The following COL6A5 variants were observed in gnomAD, a reference collection of about 807,000 sequenced individuals.
COL6A5 encodes the protein collagen alpha-5(VI) chain.
COL6A5 carries 48 observed loss-of-function variants against 65.6 expected under a neutral mutation model. That is an observed-to-expected ratio of 0.73 (90% CI 0.58 to 0.93). The LOEUF (loss-of-function observed/expected upper bound fraction) is 0.93. Among genes scored for constraint, COL6A5 ranks in the 40% least tolerant of loss-of-function variants. COL6A5 has a pLI of 0.00. For synonymous variants in COL6A5, 291 were observed against 322.8 expected (o/e 0.90, Z 1.05); for missense variants, 914 against 928.3 (o/e 0.98, Z 0.20).
chr3:130,350,811 A>G (rs895484277), intron 1 of COL6A5, among the ~76,000 whole-genome samples: 1 of 152,162 alleles, frequency 6.6e-6, no homozygotes, highest in African/African-American at 2.4e-5. Flanking sequence ...AAAAAAAACT[A>G]CTTTAAAGTT....
At chr3:130,429,972 T>C (rs1320409397), upstream of COL6A5, among the ~76,000 whole-genome samples, 1 of 152,212 alleles carries the variant, frequency 6.6e-6, no homozygotes, top group East Asian at 1.9e-4. Context: ...CACTCAAACC[T>C]GTCATCTCAC....
intron 1 of COL6A5, among the ~76,000 whole-genome samples, chr3:130,436,153 C>T (rs1709029532): frequency 6.6e-6 from 1 of 152,000 alleles, no homozygotes; most frequent in South Asian, 2.1e-4. Flanking sequence ...TTAAAAATTA[C>T]CCATGATCTT....
At chr3:130,475,221 T>A (rs819088) in intron 7 of COL6A5, among the ~76,000 whole-genome samples, 151,017 of 151,832 alleles carry the variant, frequency 0.99, 75,103 homozygotes, top group East Asian at 1. Context: ...GCAGAAAAAA[T>A]ATTTTAGGAA....
At chr3:130,404,718 G>T (rs1415591012) in intron 13 of COL6A5, among the ~76,000 whole-genome samples, 1 of 152,172 alleles carries the variant, frequency 6.6e-6, no homozygotes, top group Admixed American at 6.5e-5. Flanking sequence ...CATGGGCAAG[G>T]CCTCCTCCTT....
At chr3:130,461,595 T>G (rs1038799952) in intron 5 of COL6A5, among the ~76,000 whole-genome samples, 1 of 151,992 alleles carries the variant, frequency 6.6e-6, no homozygotes, top group Non-Finnish European at 1.5e-5. Context: ...CTTTTAACAA[T>G]GTATGCCATG....
rs1397895033 is a variant in COL6A5, at chr3:130,440,765, C to T, written c.1183C>T (p.His395Tyr). The change falls in exon 3 of 8, where the codon CAT becomes TAT. Residue 395 changes from histidine (H) to tyrosine (Y), a missense_variant. Physicochemically the swap from His to Tyr is moderately conservative, Grantham distance 83. Transcript: ENST00000512836. Reference sequence around the variant, plus strand: ...ACACCTGATACAGCTTGGGAGAATACATAAACCAGATCTGAATTATATTGC... The same window carrying T: ...ACACCTGATACAGCTTGGGAGAATATATAAACCAGATCTGAATTATATTGC... The T allele has an allele frequency of 1.5e-5, 25 of 1,613,150 alleles. 1 individual carries two copies. The highest frequency in any genetic ancestry group is 2.0e-5 in the Non-Finnish European group (24 of 1,179,560).
At chr3:130,438,383 T>C (rs759417305) in intron 1 of COL6A5, among the ~76,000 whole-genome samples, 6 of 151,992 alleles carry the variant, frequency 3.9e-5, no homozygotes, top group Non-Finnish European at 7.4e-5. Context: ...AATAAATATT[T>C]GTTGAATGAA....
At chr3:130,474,541 A>G (rs1003260868) in intron 7 of COL6A5, among the ~76,000 whole-genome samples, 3 of 152,128 alleles carry the variant, frequency 2.0e-5, no homozygotes, top group African/African-American at 7.2e-5. Context: ...AGTATGCTCT[A>G]TAGGTAAAGG....
chr3:130,421,210 A>G lies in COL6A5; in HGVS notation c.5001+7A>G, dbSNP rs1269494026. On this transcript the variant is annotated splice_region_variant and intron_variant and NMD_transcript_variant, in intron 26 of 41. Transcript: ENST00000312481. Reference sequence around the variant, plus strand: ...GGGACGAAAAGGAGTAAAGGTAAATATGGAAATCAATTATTTTTATTCATT... The same window carrying G: ...GGGACGAAAAGGAGTAAAGGTAAATGTGGAAATCAATTATTTTTATTCATT... 3 of 1,550,456 alleles carry G rather than the reference A, an allele frequency of 1.9e-6. No homozygotes were observed. The highest frequency in any genetic ancestry group is 2.6e-6 in the Non-Finnish European group (3 of 1,146,006).
At chr3:130,396,851 C>CT (rs1936618298) in intron 8 of COL6A5, among the ~76,000 whole-genome samples, 1 of 152,128 alleles carries the variant, frequency 6.6e-6, no homozygotes, top group Admixed American at 6.5e-5. Context: ...CAGCACAAAA[C>CT]TTTATTTATT....
intron 10 of COL6A5, among the ~76,000 whole-genome samples, chr3:130,398,325 T>G (rs1408462911): frequency 2.0e-5 from 3 of 151,948 alleles, no homozygotes; most frequent in African/African-American, 4.8e-5. Flanking sequence ...AGAGATGGGG[T>G]TTCACTGTGT....
intron 1 of COL6A5, among the ~76,000 whole-genome samples, chr3:130,362,413 C>A (rs114244029): frequency 0.044 from 6,542 of 148,282 alleles, 196 homozygotes; most frequent in Middle Eastern, 0.12. Context: ...CATTGTATAG[C>A]ATTTGCTGCT....
At chr3:130,373,562 A>G in intron 1 of COL6A5, 49 bp from the exon 2 acceptor site, 1 of 842,876 alleles carries the variant, frequency 1.2e-6, no homozygotes, top group Non-Finnish European at 1.9e-6. Flanking sequence ...ACAGTTACTT[A>G]ATGGTATAAA....
intron 1 of COL6A5, among the ~76,000 whole-genome samples, chr3:130,432,879 G>T (rs1382111947): frequency 5.3e-5 from 8 of 152,102 alleles, no homozygotes; most frequent in Admixed American, 1.3e-4. Flanking sequence ...CAAGGGATCA[G>T]TGCTCCCCTT....
chr3:130,463,068 T>G (rs1709736442), intron 5 of COL6A5, among the ~76,000 whole-genome samples: 1 of 152,024 alleles, frequency 6.6e-6, no homozygotes, highest in African/African-American at 2.4e-5. Flanking sequence ...CAAGGAAGAT[T>G]AAATGAAAGA....
intron 5 of COL6A5, among the ~76,000 whole-genome samples, chr3:130,388,135 G>A (rs1577455888): frequency 6.6e-6 from 1 of 152,024 alleles, no homozygotes; most frequent in Non-Finnish European, 1.5e-5. Context: ...AGAAAATAAT[G>A]CTATTTAAAA....
At chr3:130,429,391 T>G (rs978453050), upstream of COL6A5, among the ~76,000 whole-genome samples, 2 of 152,356 alleles carry the variant, frequency 1.3e-5, no homozygotes, top group Admixed American at 6.5e-5. Context: ...GCTAACAAAT[T>G]AATAAAATTC....
intron 1 of COL6A5, among the ~76,000 whole-genome samples, chr3:130,436,957 A>C (rs1304860947): frequency 1.3e-5 from 2 of 152,196 alleles, no homozygotes; most frequent in Non-Finnish European, 1.5e-5. Context: ...TACACAGAGC[A>C]GCCTATTCAA....
chr3:130,393,075 T>TG lies in COL6A5; in HGVS notation c.2992+1321_2992+1322insG, dbSNP rs1284704861. Among the ~76,000 whole-genome samples the TG allele has an allele frequency of 2.1e-3, 186 of 86,868 alleles. 1 individual carries two copies. Among genetic ancestry groups the TG allele is most frequent in the African/African-American group, 8.7e-3 (149 of 17,056 alleles). The allele number at this position is 86,868 out of a possible 152,430, so 57.0% of individuals were successfully genotyped here. A position where few individuals can be genotyped will look rare whatever the true frequency, so the allele number is the denominator to read the frequency against. ...ACTCTTCTGCTTACAGTGTTTTTTT[T>TG]TTGTGTGTGTGTGTGTGTGTGTGTG... On this transcript the variant is annotated intron_variant and NMD_transcript_variant, in intron 7 of 41. Transcript: ENST00000312481.
Sources: allele counts gnomAD v4.1 joint callset (sites outside exome capture counted in the v4.1 genomes callset), GRCh38; gene constraint gnomAD v4.1.1; transcripts MANE v1.5; gene names NCBI Gene and HGNC (gene_info 2026-07-23, HGNC 2026-07-21).